The following CSMD2 variants were observed in gnomAD, a reference collection of about 807,000 sequenced individuals.
CSMD2 encodes the protein CUB and Sushi multiple domains 2, also known as CUB and sushi domain-containing protein 2.
A neutral mutation model predicts 398.5 loss-of-function variants in CSMD2; 130 were observed. The observed-to-expected ratio is 0.33, with a 90% CI of 0.28 to 0.38. CSMD2 has a LOEUF of 0.38. Ranked by LOEUF, CSMD2 falls within the 10% of genes least tolerant of loss-of-function variation. CSMD2 has a pLI of 1.00. For missense variants in CSMD2, 3,829 were observed against 4,764.9 expected, an observed-to-expected ratio of 0.80 and a Z score of 5.78; for synonymous variants, 1,828 against 1,908.5, an observed-to-expected ratio of 0.96 and a Z score of 1.10.
chr1:33,990,517 C>A (rs1452317110), intron 3 of CSMD2, among the ~76,000 whole-genome samples: 1 of 152,070 alleles, frequency 6.6e-6, no homozygotes, highest in Non-Finnish European at 1.5e-5. Flanking sequence ...CGTGGAAAGC[C>A]CGGTTCTGAT....
intron 1 of CSMD2, among the ~76,000 whole-genome samples, chr1:34,134,550 C>G (rs894962383): frequency 6.6e-6 from 1 of 152,022 alleles, no homozygotes; most frequent in African/African-American, 2.4e-5. Context: ...GACACAAAAC[C>G]AGAAGCCAAA....
chr1:33,971,989 G>A (rs994525775), intron 3 of CSMD2, among the ~76,000 whole-genome samples: 6 of 152,128 alleles, frequency 3.9e-5, no homozygotes, highest in African/African-American at 1.2e-4. Context: ...GTACTCCCTA[G>A]GGAAGCTAGT....
intron 15 of CSMD2, 96 bp from the exon 16 acceptor site, chr1:33,726,781 A>C (rs1288917398): frequency 7.4e-7 from 1 of 1,345,026 alleles, no homozygotes; most frequent in Non-Finnish European, 9.9e-7. Flanking sequence ...CAATAAGTAT[A>C]GTTTTTGTTT....
At chr1:33,761,057 T>C (rs533204654) in intron 13 of CSMD2, among the ~76,000 whole-genome samples, 59 of 152,310 alleles carry the variant, frequency 3.9e-4, no homozygotes, top group Middle Eastern at 6.8e-3. Context: ...AACTGTGACC[T>C]GGTGAGGCAC....
chr1:34,054,000 G>C (rs1237521240), intron 2 of CSMD2, among the ~76,000 whole-genome samples: 1 of 152,108 alleles, frequency 6.6e-6, no homozygotes, highest in Non-Finnish European at 1.5e-5. Flanking sequence ...AATAATTTCA[G>C]ATTTATATAA....
intron 53 of CSMD2, among the ~76,000 whole-genome samples, chr1:33,562,820 G>T (rs1279092174): frequency 7.2e-5 from 11 of 152,190 alleles, no homozygotes; most frequent in Admixed American, 2.6e-4. Context: ...CCTGGAAGAA[G>T]AGGGAATTCG....
intron 2 of CSMD2, among the ~76,000 whole-genome samples, chr1:34,044,625 T>G (rs1652266048): frequency 6.6e-6 from 1 of 152,216 alleles, no homozygotes. Context: ...GGTTCTGTGC[T>G]GCCCCGAGAT....
At chr1:33,590,595 T>TCACTCACACA (rs1553149296) in intron 44 of CSMD2, among the ~76,000 whole-genome samples, 2 of 137,728 alleles carry the variant, frequency 1.5e-5, no homozygotes, top group African/African-American at 5.6e-5. Context: ...CTATTTCCCA[T>TCACTCACACA]CACACACACA....
In CSMD2 at chr1:33,864,331, A is replaced by C. The variant is rs764075026; in HGVS notation, c.921-17335T>G. On this transcript the variant is annotated intron_variant, in intron 5 of 70. Coordinates refer to ENST00000373381, the MANE Select transcript of CSMD2 (RefSeq NM_001281956.2). Reference sequence around the variant, plus strand: ...AAAGAGTTCTCTAGAAAGTGTTCGGAAAAATGGAGATCCATCTCAAAGCAT... The same window carrying C: ...AAAGAGTTCTCTAGAAAGTGTTCGGCAAAATGGAGATCCATCTCAAAGCAT... The C allele has an allele frequency of 9.9e-6, 16 of 1,613,186 alleles. No homozygotes were observed. In the East Asian group the frequency reaches 3.6e-4, roughly 36 times the overall value.
chr1:33,909,271 T>C (rs1643310757), intron 5 of CSMD2, among the ~76,000 whole-genome samples: 1 of 152,138 alleles, frequency 6.6e-6, no homozygotes, highest in African/African-American at 2.4e-5. Flanking sequence ...AGCCTTTACA[T>C]GTGCAGCTCC....
At chr1:33,780,136 G>T (rs939123946) in intron 12 of CSMD2, among the ~76,000 whole-genome samples, 5 of 152,232 alleles carry the variant, frequency 3.3e-5, no homozygotes, top group South Asian at 4.2e-4. Flanking sequence ...TCAGAGCCAG[G>T]GGTCGCATCC....
intron 5 of CSMD2, among the ~76,000 whole-genome samples, chr1:33,895,702 C>A (rs911685206): frequency 1.3e-5 from 2 of 152,132 alleles, no homozygotes; most frequent in African/African-American, 2.4e-5. Context: ...ACTGGCCGCC[C>A]TCCAGAAAGG....
At chr1:33,632,267 T>C (rs1323577374) in intron 32 of CSMD2, among the ~76,000 whole-genome samples, 3 of 151,980 alleles carry the variant, frequency 2.0e-5, no homozygotes, top group African/African-American at 7.2e-5. Context: ...AAGAAAACAT[T>C]GATAGATTTG....
intron 24 of CSMD2, among the ~76,000 whole-genome samples, chr1:33,698,363 T>G (rs1645491727): frequency 6.6e-6 from 1 of 152,088 alleles, no homozygotes; most frequent in Non-Finnish European, 1.5e-5. Context: ...CTAAAGTGGG[T>G]GGGAGACTCA....
At chr1:33,892,319 GATTT>G (rs1642080167) in intron 5 of CSMD2, among the ~76,000 whole-genome samples, 1 of 151,940 alleles carries the variant, frequency 6.6e-6, no homozygotes, top group African/African-American at 2.4e-5. Flanking sequence ...AAAAATTATT[GATTT>G]ATTTTTCATT....
At position 33,686,457 on chromosome 1, in the gene CSMD2, C is replaced by T. The variant is rs1335533329; in HGVS notation, c.4052+6473G>A. On this transcript the variant is annotated intron_variant, in intron 25 of 70. Transcript: ENST00000373381. Reference sequence around the variant, plus strand: ...CATTCTTGGCACTTAGGAAGAAGCACTTGCCAGATGCTGTAGGTATTACCA... The same window carrying T: ...CATTCTTGGCACTTAGGAAGAAGCATTTGCCAGATGCTGTAGGTATTACCA... Among the ~76,000 whole-genome samples the T allele has an allele frequency of 2.6e-5, 4 of 152,320 alleles. No individual in the cohort carries two copies. In the East Asian group the frequency reaches 5.8e-4, roughly 22 times the overall value.
chr1:34,140,164 G>A (rs1157015204), intron 1 of CSMD2, among the ~76,000 whole-genome samples: 13 of 152,070 alleles, frequency 8.5e-5, no homozygotes, highest in Admixed American at 8.5e-4. Flanking sequence ...CCAAGGGCAA[G>A]ACACACAATT....
chr1:33,927,068 G>A (rs150456649), intron 4 of CSMD2, among the ~76,000 whole-genome samples: 21 of 152,210 alleles, frequency 1.4e-4, no homozygotes, highest in Middle Eastern at 3.4e-3. Flanking sequence ...ATGCCAACAG[G>A]CCCCAAAGGA....
At chr1:34,157,673 C>G (rs370237382) in intron 1 of CSMD2, among the ~76,000 whole-genome samples, 2 of 151,432 alleles carry the variant, frequency 1.3e-5, no homozygotes, top group Non-Finnish European at 2.9e-5. Flanking sequence ...ATCCCATCCC[C>G]GACATCACAT....
Sources: gnomAD v4.1 joint callset for allele counts (sites outside exome capture counted in the v4.1 genomes callset) on GRCh38, gnomAD v4.1.1 for gene constraint, MANE v1.5 for transcripts, NCBI Gene and HGNC (gene_info 2026-07-23, HGNC 2026-07-21) for gene names.